Variants in EVA1A observed in about 807,000 individuals in gnomAD.
The protein encoded by EVA1A is protein eva-1 homolog A.
A neutral mutation model predicts 9.8 loss-of-function variants in EVA1A; 7 were observed. The ratio of observed to expected loss-of-function variants is 0.71; its 90% CI spans 0.41 to 1.34. EVA1A has a LOEUF of 1.34. EVA1A is among the 40% of genes most tolerant of loss of function. EVA1A has a pLI of 0.01. For synonymous variants in EVA1A, 90 were observed against 85.6 expected, an observed-to-expected ratio of 1.05 and a Z score of -0.28; for missense variants, 206 against 205.9, an observed-to-expected ratio of 1.00 and a Z score of 0.00.
At chr2:75,495,685 T>C (rs1170910898) in intron 3 of EVA1A, among the ~76,000 whole-genome samples, 1 of 152,212 alleles carries the variant, frequency 6.6e-6, no homozygotes, top group Non-Finnish European at 1.5e-5. Context: ...GCTCTGGTGA[T>C]GGGTACACTA....
At chr2:75,542,102 T>C (rs1173500310) in intron 1 of EVA1A, 2 of 152,308 alleles carry the variant, frequency 1.3e-5, no homozygotes, top group African/African-American at 4.8e-5. Flanking sequence ...AAAATGGGAG[T>C]TTCTCTGCAC....
upstream of EVA1A, among the ~76,000 whole-genome samples, chr2:75,563,993 A>G (rs1380951584): frequency 1.3e-5 from 2 of 152,228 alleles, no homozygotes; most frequent in Non-Finnish European, 2.9e-5. Flanking sequence ...AATTATTATA[A>G]AAGAGGGAAA....
At chr2:75,545,430 C>A (rs1462791509) in intron 1 of EVA1A, among the ~76,000 whole-genome samples, 1 of 152,128 alleles carries the variant, frequency 6.6e-6, no homozygotes, top group African/African-American at 2.4e-5. Context: ...CCGATGAGAA[C>A]CATCTTCCCA....
chr2:75,522,095 T>C (rs1223050209), intron 2 of EVA1A, among the ~76,000 whole-genome samples: 1 of 152,226 alleles, frequency 6.6e-6, no homozygotes, highest in African/African-American at 2.4e-5. Context: ...CTACCATATT[T>C]ATAGATTAAC....
chr2:75,513,432 C>T (rs926587870), intron 3 of EVA1A, among the ~76,000 whole-genome samples: 13 of 152,108 alleles, frequency 8.5e-5, no homozygotes, highest in Non-Finnish European at 1.3e-4. Flanking sequence ...CCTCCTTGCC[C>T]GATAACTACT....
intron 1 of EVA1A, among the ~76,000 whole-genome samples, chr2:75,553,714 A>G (rs1676604798): frequency 6.6e-6 from 1 of 152,196 alleles, no homozygotes. Flanking sequence ...CTGAAGTTCC[A>G]CAAGATCCTA....
chr2:75,496,979 G>A (rs1200404430), intron 3 of EVA1A, among the ~76,000 whole-genome samples: 1 of 152,154 alleles, frequency 6.6e-6, no homozygotes, highest in Non-Finnish European at 1.5e-5. Context: ...TAACTGGCTA[G>A]CTATATGCAG....
intron 1 of EVA1A, among the ~76,000 whole-genome samples, chr2:75,552,763 T>G (rs550566100): frequency 2.6e-4 from 40 of 152,256 alleles, no homozygotes; most frequent in Non-Finnish European, 5.0e-4. Context: ...TCAGAGACAT[T>G]TGCTAAACAG....
chr2:75,569,160 A>G (rs1467889635), intron 1 of EVA1A, among the ~76,000 whole-genome samples: 2 of 152,040 alleles, frequency 1.3e-5, no homozygotes, highest in Non-Finnish European at 2.9e-5. Context: ...TTTAATTTTA[A>G]TTTAATAAAT....
chr2:75,498,868 C>T (rs1674309706), intron 3 of EVA1A, among the ~76,000 whole-genome samples: 1 of 151,744 alleles, frequency 6.6e-6, no homozygotes, highest in South Asian at 2.1e-4. Context: ...TATTCCTACG[C>T]CAGATGCTAT....
intron 2 of EVA1A, among the ~76,000 whole-genome samples, chr2:75,521,934 TTAA>T (rs1675245389): frequency 6.6e-6 from 1 of 152,168 alleles, no homozygotes. Context: ...TGGTTTTAAG[TTAA>T]TAAGAATGAT....
At chr2:75,497,571 T>A (rs992847782) in intron 3 of EVA1A, among the ~76,000 whole-genome samples, 4 of 151,974 alleles carry the variant, frequency 2.6e-5, no homozygotes, top group Non-Finnish European at 5.9e-5. Context: ...AACACCAGGC[T>A]GGGCATGGTA....
chr2:75,530,394 TC>T (rs1675602974), intron 1 of EVA1A, among the ~76,000 whole-genome samples: 1 of 152,152 alleles, frequency 6.6e-6, no homozygotes, highest in African/African-American at 2.4e-5. Context: ...CCTTTTGAAA[TC>T]ATTCTATGAA....
chr2:75,494,580 T>C (rs1160240413), intron 3 of EVA1A, among the ~76,000 whole-genome samples: 1 of 152,190 alleles, frequency 6.6e-6, no homozygotes, highest in Non-Finnish European at 1.5e-5. Context: ...CTTTGAGGAA[T>C]GGTGCCAACA....
At chr2:75,502,900 G>C (rs1219423378) in intron 3 of EVA1A, among the ~76,000 whole-genome samples, 1 of 152,152 alleles carries the variant, frequency 6.6e-6, no homozygotes, top group Non-Finnish European at 1.5e-5. Context: ...ATATTAAAGG[G>C]AGAAAAACAA....
chr2:75,550,942 T>C (rs1402875462), intron 1 of EVA1A, among the ~76,000 whole-genome samples: 2 of 152,022 alleles, frequency 1.3e-5, no homozygotes, highest in Admixed American at 6.5e-5. Context: ...GCCAGCATGG[T>C]GAAATGCTGT....
At chr2:75,532,307 T>C (rs1273137014) in intron 1 of EVA1A, among the ~76,000 whole-genome samples, 2 of 151,554 alleles carry the variant, frequency 1.3e-5, no homozygotes, top group East Asian at 3.9e-4. Flanking sequence ...AATAAAGGAA[T>C]TGAATAAGGA....
intron 1 of EVA1A, chr2:75,526,190 C>A (rs1417937838): frequency 6.6e-6 from 1 of 152,180 alleles, no homozygotes; most frequent in South Asian, 2.1e-4. Flanking sequence ...CAGCGATCTA[C>A]CTACCTGCAC....
Position 75,493,098 on chromosome 2 carries a change from C to CT in EVA1A, c.*137dup. ...GGCCAAAAAGGAGCAATCCTCCTGG[C>CT]TAGAAAAGGGGCATGTCCTGCTTTT... On this transcript the variant is annotated 3_prime_UTR_variant, in exon 4 of 4. Coordinates refer to ENST00000393913, the MANE Select transcript of EVA1A (RefSeq NM_001135032.2). 1 of 1,278,584 alleles carries CT rather than the reference C, an allele frequency of 7.8e-7. No individual in the cohort carries two copies. The highest frequency in any genetic ancestry group is 1.1e-6 in the Non-Finnish European group (1 of 930,634). The allele number at this position is 1,278,584 out of a possible 1,614,324, so 79.2% of individuals were successfully genotyped here.
Sources: allele counts gnomAD v4.1 joint callset (sites outside exome capture counted in the v4.1 genomes callset), GRCh38; gene constraint gnomAD v4.1.1; transcripts MANE v1.5; gene names NCBI Gene and HGNC (gene_info 2026-07-23, HGNC 2026-07-21).